ERC2: variants seen among roughly 807,000 people sequenced by gnomAD.
The protein encoded by ERC2 is ERC protein 2.
Under a neutral mutation model 114.8 loss-of-function variants are expected in ERC2, and 42 were observed. The ratio of observed to expected loss-of-function variants is 0.37; its 90% CI spans 0.29 to 0.47. The LOEUF (loss-of-function observed/expected upper bound fraction) is 0.47, where lower values mean the gene tolerates loss of function less well. Ranked by LOEUF, ERC2 falls within the 20% of genes least tolerant of loss-of-function variation. ERC2 has a pLI of 0.99. For synonymous variants in ERC2, 454 were observed against 425.5 expected (o/e 1.07, Z -0.82); for missense variants, 939 against 1,150.7 (o/e 0.82, Z 2.66).
chr3:55,650,770 A>G (rs936756954), intron 17 of ERC2, among the ~76,000 whole-genome samples: 8 of 152,136 alleles, frequency 5.3e-5, no homozygotes, highest in Non-Finnish European at 8.8e-5. Flanking sequence ...CCTTCTATGA[A>G]TCACCTAGGC....
chr3:56,199,330 T>C (rs1446295035), intron 3 of ERC2, among the ~76,000 whole-genome samples: 1 of 152,052 alleles, frequency 6.6e-6, no homozygotes, highest in Admixed American at 6.6e-5. Flanking sequence ...CAGAGTGAAC[T>C]GGATTCTAGA....
At chr3:56,152,197 C>A (rs534865725) in intron 4 of ERC2, among the ~76,000 whole-genome samples, 1 of 151,976 alleles carries the variant, frequency 6.6e-6, no homozygotes, top group Non-Finnish European at 1.5e-5. Context: ...ATTTTCAATG[C>A]GCATTAACAT....
At chr3:55,777,202 T>G (rs554497177) in intron 14 of ERC2, among the ~76,000 whole-genome samples, 19 of 152,302 alleles carry the variant, frequency 1.2e-4, no homozygotes, top group Admixed American at 5.9e-4. Context: ...GTGTCAATAT[T>G]CCAGTTAGTG....
rs550504441 is a variant in ERC2, at chr3:56,105,274, T to A, written c.1474-24290A>T. The stretch of plus-strand genomic sequence containing the variant: ...CTGGGTGTCACTGTGAAGACTTTGG[T>A]TGATATGGTCACTGGAGGGTTTTTT... On this transcript the variant is annotated intron_variant, in intron 6 of 17. Coordinates refer to ENST00000288221, the MANE Select transcript of ERC2 (RefSeq NM_015576.3). Among the ~76,000 whole-genome samples the A allele has an allele frequency of 2.6e-4, 39 of 152,162 alleles. No individual in the cohort carries two copies. The South Asian group carries it at 7.7e-3, about 30-fold the overall frequency.
chr3:55,764,181 A>C (rs1172422756), intron 14 of ERC2, among the ~76,000 whole-genome samples: 1 of 152,234 alleles, frequency 6.6e-6, no homozygotes, highest in East Asian at 1.9e-4. Flanking sequence ...CCAAATTTTA[A>C]AAAAGTGTTT....
chr3:56,406,522 C>T lies in ERC2; in HGVS notation c.657+27829G>A, dbSNP rs1377232942. On this transcript the variant is annotated intron_variant, in intron 2 of 17. Transcript: ENST00000288221. Reference sequence around the variant, plus strand: ...GGCATGGCCTGTGGAGCACACAGGGCCCAGACTTAGAAGAGCTCTGTGTTT... The same window carrying T: ...GGCATGGCCTGTGGAGCACACAGGGTCCAGACTTAGAAGAGCTCTGTGTTT... 7.2e-5 allele frequency among the ~76,000 whole-genome samples: 11 copies of T among 152,302 alleles called. No individual in the cohort carries two copies. The East Asian group carries it at 1.9e-3, about 27-fold the overall frequency.
At position 56,096,060 on chromosome 3, in the gene ERC2, T is replaced by C. The variant is rs141000490; in HGVS notation, c.1474-15076A>G. On this transcript the variant is annotated intron_variant, in intron 6 of 17. Transcript: ENST00000288221. Reference sequence around the variant, plus strand: ...AAAATGAGGGTAATAATAGTACAGATACTATGAGGATTAATTGAAATATGA... The same window carrying C: ...AAAATGAGGGTAATAATAGTACAGACACTATGAGGATTAATTGAAATATGA... Among the ~76,000 whole-genome samples the C allele has an allele frequency of 1.1e-3, 170 of 152,230 alleles. 1 individual carries two copies. Among genetic ancestry groups the C allele is most frequent in the African/African-American group, 3.8e-3 (159 of 41,542 alleles).
intron 14 of ERC2, among the ~76,000 whole-genome samples, chr3:55,870,427 A>G (rs902355209): frequency 1.3e-5 from 2 of 152,200 alleles, no homozygotes; most frequent in Admixed American, 6.5e-5. Context: ...AGTTCCCTCA[A>G]TGTTAAGTAG....
At chr3:56,307,473 A>C (rs757014779) in intron 2 of ERC2, among the ~76,000 whole-genome samples, 2 of 152,198 alleles carry the variant, frequency 1.3e-5, no homozygotes, top group Non-Finnish European at 2.9e-5. Flanking sequence ...GGTCATCTGT[A>C]AAGTGGGGAT....
At chr3:56,052,256 G>T (rs1431848572) in intron 7 of ERC2, among the ~76,000 whole-genome samples, 2 of 152,136 alleles carry the variant, frequency 1.3e-5, no homozygotes, top group Non-Finnish European at 2.9e-5. Context: ...AAAAGAAAAA[G>T]AACTCAAAAT....
At chr3:56,312,066 T>C (rs2056614899) in intron 2 of ERC2, among the ~76,000 whole-genome samples, 1 of 152,144 alleles carries the variant, frequency 6.6e-6, no homozygotes, top group Admixed American at 6.5e-5. Context: ...TCCAGGAGGA[T>C]GTGTATAGGA....
intron 15 of ERC2, among the ~76,000 whole-genome samples, chr3:55,705,111 G>A (rs533258531): frequency 1.4e-4 from 21 of 152,250 alleles, no homozygotes; most frequent in African/African-American, 4.3e-4. Context: ...TAGGACATGA[G>A]GAAATAGAAG....
chr3:55,807,800 T>A (rs1312588112), intron 14 of ERC2, among the ~76,000 whole-genome samples: 1 of 152,220 alleles, frequency 6.6e-6, no homozygotes, highest in African/African-American at 2.4e-5. Flanking sequence ...CCTTATAACT[T>A]AGCCTTGCCT....
intron 12 of ERC2, among the ~76,000 whole-genome samples, chr3:55,966,247 T>A (rs1440821379): frequency 2.0e-5 from 3 of 152,162 alleles, no homozygotes; most frequent in Non-Finnish European, 4.4e-5. Flanking sequence ...ATGGACATAA[T>A]CCTCCATACT....
At chr3:56,068,172 CT>C (rs1296831446) in intron 7 of ERC2, among the ~76,000 whole-genome samples, 2 of 152,086 alleles carry the variant, frequency 1.3e-5, no homozygotes, top group East Asian at 1.9e-4. Context: ...TGCTCCTGGG[CT>C]TTTTTTGGTT....
At chr3:55,979,014 C>T (rs1399521885) in intron 12 of ERC2, among the ~76,000 whole-genome samples, 1 of 152,158 alleles carries the variant, frequency 6.6e-6, no homozygotes, top group African/African-American at 2.4e-5. Context: ...CTGCCAATTA[C>T]CCAGTGAGTG....
intron 7 of ERC2, among the ~76,000 whole-genome samples, chr3:56,039,186 C>T (rs1414971404): frequency 6.6e-6 from 1 of 152,048 alleles, no homozygotes; most frequent in Non-Finnish European, 1.5e-5. Context: ...TGAAACAAAC[C>T]TGTACATCCT....
At chr3:56,337,294 C>T (rs1348841689) in intron 2 of ERC2, among the ~76,000 whole-genome samples, 1 of 152,180 alleles carries the variant, frequency 6.6e-6, no homozygotes, top group Non-Finnish European at 1.5e-5. Flanking sequence ...CTGTGCCAAA[C>T]CACAGTTTCC....
At chr3:55,962,594 T>C (rs972468353) in intron 12 of ERC2, among the ~76,000 whole-genome samples, 1 of 152,244 alleles carries the variant, frequency 6.6e-6, no homozygotes, top group Non-Finnish European at 1.5e-5. Context: ...TCATATTACT[T>C]ACTCTGTGAC....
Sources: gnomAD v4.1 joint callset for allele counts (sites outside exome capture counted in the v4.1 genomes callset) on GRCh38, gnomAD v4.1.1 for gene constraint, MANE v1.5 for transcripts, NCBI Gene and HGNC (gene_info 2026-07-23, HGNC 2026-07-21) for gene names.